The following DOCK9 variants were observed in gnomAD, a reference collection of about 807,000 sequenced individuals.
DOCK9 encodes the protein dedicator of cytokinesis 9, also known as dedicator of cytokinesis protein 9.
A neutral mutation model predicts 263.3 loss-of-function variants in DOCK9; 89 were observed. The observed-to-expected ratio is 0.34, with a 90% CI of 0.28 to 0.40. DOCK9 has a LOEUF of 0.40. DOCK9 is among the 10% of genes least tolerant of loss of function. The pLI, the probability that DOCK9 is intolerant of heterozygous loss-of-function variation, is 1.00. For synonymous variants in DOCK9, 976 were observed against 973.1 expected (o/e 1.00, Z -0.06); for missense variants, 2,140 against 2,603.4 (o/e 0.82, Z 3.87).
At chr13:99,032,961 T>C (rs1350302590) in intron 1 of DOCK9, among the ~76,000 whole-genome samples, 1 of 152,238 alleles carries the variant, frequency 6.6e-6, no homozygotes, top group African/African-American at 2.4e-5. Context: ...CATTAAACAC[T>C]TAGGAGCAGA....
chr13:99,086,327 C>A (rs1320390249), exon 1 of DOCK9: 1 of 1,462,884 alleles, frequency 6.8e-7, no homozygotes, highest in Non-Finnish European at 9.0e-7. Flanking sequence ...TCCGCCGAGG[C>A]GGGGAGCAGC....
intron 45 of DOCK9, among the ~76,000 whole-genome samples, chr13:98,811,828 T>A (rs2091323209): frequency 6.6e-6 from 1 of 152,270 alleles, no homozygotes; most frequent in African/African-American, 2.4e-5. Context: ...GAAATATTTA[T>A]CTAACCCAGG....
chr13:98,806,573 A>C (rs1367887390), intron 48 of DOCK9, among the ~76,000 whole-genome samples: 1 of 152,224 alleles, frequency 6.6e-6, no homozygotes, highest in Non-Finnish European at 1.5e-5. Context: ...ACAGATGGAA[A>C]AGTGCCTGAA....
At chr13:98,868,164 G>A (rs1241931406) in intron 28 of DOCK9, 67 bp downstream of exon 28, 1 of 1,590,536 alleles carries the variant, frequency 6.3e-7, no homozygotes. Flanking sequence ...TAGTCACCCT[G>A]CTAGACAGCT....
intron 37 of DOCK9, chr13:98,846,412 A>C (rs527352712): frequency 2.1e-6 from 2 of 961,748 alleles, no homozygotes; most frequent in Non-Finnish European, 3.0e-6. Flanking sequence ...ATATGTTCTG[A>C]AAAAGCAAAA....
In DOCK9 at chr13:98,956,017, C is replaced by CT. The variant is rs201724812; in HGVS notation, c.127-467dup. On this transcript the variant is annotated intron_variant, in intron 1 of 52. Transcript: ENST00000682017. ...ACAAGGGGCTCCAAGACGCCCTTCT[C>CT]TGAGTCTCAAAATATCCCTGCCTAT... Among the ~76,000 whole-genome samples, 573 of 152,336 alleles carry CT rather than the reference C, an allele frequency of 3.8e-3. 4 individuals carry two copies. Among genetic ancestry groups the CT allele is most frequent in the African/African-American group, 0.013 (548 of 41,584 alleles).
At chr13:98,924,029 T>C (rs1267930753) in intron 4 of DOCK9, among the ~76,000 whole-genome samples, 5 of 152,274 alleles carry the variant, frequency 3.3e-5, no homozygotes, top group African/African-American at 1.2e-4. Context: ...AGAGAGAAAA[T>C]GTACCAGCAG....
At chr13:98,929,685 A>G (rs1319151510) in intron 3 of DOCK9, among the ~76,000 whole-genome samples, 5 of 151,696 alleles carry the variant, frequency 3.3e-5, no homozygotes, top group Non-Finnish European at 5.9e-5. Flanking sequence ...ATATAATAAT[A>G]TATATTGACT....
chr13:98,921,039 T>C lies in DOCK9; in HGVS notation c.632A>G (p.Tyr211Cys), dbSNP rs769425730. ...TTCATCTTTATAAAAATTCAAATTATAGGATCCATCGCCAAGTTGAATCAG... is the reference window on the plus strand; with the variant it reads ...TTCATCTTTATAAAAATTCAAATTACAGGATCCATCGCCAAGTTGAATCAG... ...FHLIQLGDGS[Y>C]NLNFYKDEKI... The change falls in exon 7 of 53, where the codon TAT (tyrosine) becomes TGT (cysteine). Residue 211 changes from tyrosine to cysteine, a missense_variant. Coordinates refer to ENST00000682017, the MANE Select transcript of DOCK9 (RefSeq NM_001366683.2). 1 of 1,602,032 alleles carries C rather than the reference T, an allele frequency of 6.2e-7. No homozygotes were observed. The highest frequency in any genetic ancestry group is 8.5e-7 in the Non-Finnish European group (1 of 1,173,546).
intron 1 of DOCK9, among the ~76,000 whole-genome samples, chr13:98,974,809 A>C (rs1227192074): frequency 6.6e-6 from 1 of 151,872 alleles, no homozygotes; most frequent in African/African-American, 2.4e-5. Flanking sequence ...AAGAAAAAGA[A>C]ATACTAACTT....
At chr13:98,820,186 T>C (rs1331757047) in intron 45 of DOCK9, among the ~76,000 whole-genome samples, 5 of 152,238 alleles carry the variant, frequency 3.3e-5, no homozygotes, top group African/African-American at 1.2e-4. Context: ...TTTAAAGACA[T>C]CTAACTAAAT....
At chr13:98,936,623 C>CAAAAAAAAAAAAAA (rs1189746396) in intron 2 of DOCK9, among the ~76,000 whole-genome samples, 1 of 47,480 alleles carries the variant, frequency 2.1e-5, no homozygotes, top group Non-Finnish European at 4.9e-5. Flanking sequence ...CTGTCTCAAA[C>CAAAAAAAAAAAAAA]AAAAAAAAAA....
rs762025087 is a variant in DOCK9, at chr13:98,888,147, A to C, written c.2043+11T>G. On this transcript the variant is annotated intron_variant, in intron 18 of 52. Transcript: ENST00000682017. The stretch of plus-strand genomic sequence containing the variant: ...AATTCGTAGGTGAACATATATTAAA[A>C]AAAAACAAACCTTAAGGGGCTGAGA... 117 of 1,575,588 alleles carry C rather than the reference A, an allele frequency of 7.4e-5. No homozygotes were observed. The highest frequency in any genetic ancestry group is 9.5e-5 in the Non-Finnish European group (111 of 1,164,230).
rs774086065 is a variant in DOCK9 at position 99,017,693 on chromosome 13, G to A, written c.130-62142C>T. On this transcript the variant is annotated intron_variant, in intron 1 of 32. Coordinates refer to the DOCK9 transcript ENST00000427887. ...GGACCACACTGGAAGAAGAATAATTGTCTCGGGCCACACATAAAATATACT... is the reference window on the plus strand; with the variant it reads ...GGACCACACTGGAAGAAGAATAATTATCTCGGGCCACACATAAAATATACT... Among the ~76,000 whole-genome samples the A allele has an allele frequency of 5.6e-4, 86 of 152,294 alleles. 1 individual carries two copies. The highest frequency in any genetic ancestry group is 1.0e-3 in the Non-Finnish European group (68 of 68,030).
intron 1 of DOCK9, among the ~76,000 whole-genome samples, chr13:99,070,121 G>A (rs1391975805): frequency 6.6e-6 from 1 of 151,764 alleles, no homozygotes; most frequent in Non-Finnish European, 1.5e-5. Flanking sequence ...CTTAACTGTT[G>A]ACAATATTTT....
At chr13:98,833,355 G>A (rs74559028) in intron 39 of DOCK9, among the ~76,000 whole-genome samples, 3 of 152,298 alleles carry the variant, frequency 2.0e-5, no homozygotes, top group Non-Finnish European at 4.4e-5. Context: ...AGGTTTGGGT[G>A]AATCTGGAGG....
At chr13:98,871,230 A>C (rs1275389090) in intron 27 of DOCK9, among the ~76,000 whole-genome samples, 1 of 152,210 alleles carries the variant, frequency 6.6e-6, no homozygotes, top group Non-Finnish European at 1.5e-5. Context: ...TACAAGGTAA[A>C]AATGTGAGGG....
chr13:98,995,330 T>A (rs1202279649), intron 1 of DOCK9, among the ~76,000 whole-genome samples: 3 of 152,138 alleles, frequency 2.0e-5, no homozygotes, highest in African/African-American at 7.2e-5. Flanking sequence ...TGACCAGGCT[T>A]TCTACAAGCA....
chr13:98,828,418 T>C (rs1377932118), intron 43 of DOCK9, among the ~76,000 whole-genome samples: 1 of 152,256 alleles, frequency 6.6e-6, no homozygotes, highest in Non-Finnish European at 1.5e-5. Flanking sequence ...CTCTTAGTTA[T>C]TCCTTTTTAT....
Sources: gnomAD v4.1 joint callset for allele counts (sites outside exome capture counted in the v4.1 genomes callset) on GRCh38, gnomAD v4.1.1 for gene constraint, MANE v1.5 for transcripts, NCBI Gene and HGNC (gene_info 2026-07-23, HGNC 2026-07-21) for gene names.